The following ZNF710 variants were observed in gnomAD, a reference collection of about 807,000 sequenced individuals.
The protein encoded by ZNF710 is zinc finger protein 710.
Under a neutral mutation model 50.6 loss-of-function variants are expected in ZNF710, and 13 were observed. The observed-to-expected ratio is 0.26, with a 90% CI of 0.17 to 0.41. ZNF710 has a LOEUF of 0.41. ZNF710 is among the 10% of genes least tolerant of loss of function. ZNF710 has a pLI of 1.00. For missense variants in ZNF710, 721 were observed against 936.6 expected (o/e 0.77, Z 3.01); for synonymous variants, 383 against 397.0 (o/e 0.96, Z 0.42).
chr15:90,009,623 T>A (rs569079432), intron 1 of ZNF710, among the ~76,000 whole-genome samples: 4 of 152,030 alleles, frequency 2.6e-5, no homozygotes, highest in Non-Finnish European at 5.9e-5. Flanking sequence ...TGCCCTGGCT[T>A]CCTCCCTAGG....
At chr15:90,053,226 C>G (rs563548801) in intron 1 of ZNF710, among the ~76,000 whole-genome samples, 1 of 152,306 alleles carries the variant, frequency 6.6e-6, no homozygotes, top group African/African-American at 2.4e-5. Flanking sequence ...GCACCCTGAG[C>G]ATTTGCTGGG....
intron 4 of ZNF710, 76 bp from the exon 5 acceptor site, chr15:90,079,584 A>G: frequency 6.4e-7 from 1 of 1,560,156 alleles, no homozygotes; most frequent in East Asian, 2.3e-5. Flanking sequence ...TAGAAAGGCC[A>G]TCAGCTTCCT....
chr15:90,051,262 G>A (rs990291235), intron 1 of ZNF710, among the ~76,000 whole-genome samples: 13 of 150,638 alleles, frequency 8.6e-5, no homozygotes, highest in Non-Finnish European at 1.8e-4. Flanking sequence ...AAAAATTAGC[G>A]GTCACTCCCA....
intron 1 of ZNF710, among the ~76,000 whole-genome samples, chr15:90,016,966 C>CAGCTTTT (rs1567221491): frequency 6.6e-6 from 1 of 152,230 alleles, no homozygotes; most frequent in African/African-American, 2.4e-5. Context: ...TTGAAGTTCC[C>CAGCTTTT]AGCTTTTATC....
At chr15:90,073,377 GC>G in intron 3 of ZNF710, 115 bp downstream of exon 3, 1 of 1,271,624 alleles carries the variant, frequency 7.9e-7, no homozygotes, top group Non-Finnish European at 1.1e-6. Flanking sequence ...GGCAAGAGGA[GC>G]CCCGGCTGGG....
At chr15:90,043,516 T>G (rs1899364980) in intron 1 of ZNF710, among the ~76,000 whole-genome samples, 1 of 152,224 alleles carries the variant, frequency 6.6e-6, no homozygotes, top group African/African-American at 2.4e-5. Context: ...CGGGGAAGCC[T>G]TTACAGCAGC....
At chr15:90,000,024 C>T (rs1897976646), upstream of ZNF710, among the ~76,000 whole-genome samples, 1 of 144,414 alleles carries the variant, frequency 6.9e-6, no homozygotes, top group Admixed American at 6.9e-5. Context: ...CCTGAGTTTG[C>T]TCTCGGGGCC....
intron 1 of ZNF710, among the ~76,000 whole-genome samples, chr15:90,003,263 A>C (rs1400812571): frequency 6.6e-6 from 1 of 152,150 alleles, no homozygotes; most frequent in Non-Finnish European, 1.5e-5. Flanking sequence ...GCCCACCTGC[A>C]AAGGGCACCC....
chr15:90,060,024 AGCCCCCTCCCC>A lies in ZNF710; in HGVS notation c.-28-7083_-28-7073del, dbSNP rs1899956005. Among the ~76,000 whole-genome samples, 3 of 152,202 alleles carry A rather than the reference AGCCCCCTCCCC, an allele frequency of 2.0e-5. No homozygotes were observed. The South Asian group carries it at 6.2e-4, about 32-fold the overall frequency. On this transcript the variant is annotated intron_variant, in intron 1 of 4. Coordinates refer to ENST00000268154, the MANE Select transcript of ZNF710 (RefSeq NM_198526.4). ...CTTGAATGCCAGACCCAGGGTCAGG[AGCCCCCTCCCC>A]GCTCTTGCTCTGTTGGGTCCTGAAC...
At chr15:90,077,193 T>C (rs1176761694) in intron 4 of ZNF710, among the ~76,000 whole-genome samples, 1 of 149,134 alleles carries the variant, frequency 6.7e-6, no homozygotes, top group African/African-American at 2.5e-5. Context: ...ATAAACAAAA[T>C]GGGGACGGTG....
In ZNF710 at chr15:90,075,058, G is replaced by A. The variant is rs78610698; in HGVS notation, c.1825+768G>A. 4.9e-3 allele frequency: 784 copies of A among 161,538 alleles called. 6 individuals carry two copies. Among genetic ancestry groups the A allele is most frequent in the Non-Finnish European group, 3.9e-3 (290 of 74,214 alleles). The allele number at this position is 161,538 out of a possible 1,614,324, so 10.0% of individuals were successfully genotyped here. On this transcript the variant is annotated intron_variant, in intron 4 of 4. Transcript: ENST00000268154. ...GTCAGAAAACATCCCAAGTGTTAGCGGTAGCCTTTCCCTCCAGCAGTGGTC... is the reference window on the plus strand; with the variant it reads ...GTCAGAAAACATCCCAAGTGTTAGCAGTAGCCTTTCCCTCCAGCAGTGGTC...
chr15:90,007,848 A>G lies in ZNF710; in HGVS notation c.-29+6234A>G, dbSNP rs1024960979. Among the ~76,000 whole-genome samples, 132 of 152,024 alleles carry G rather than the reference A, an allele frequency of 8.7e-4. 1 individual carries two copies. Among genetic ancestry groups the G allele is most frequent in the African/African-American group, 3.0e-3 (124 of 41,468 alleles). On this transcript the variant is annotated intron_variant, in intron 1 of 4. Coordinates refer to ENST00000268154, the MANE Select transcript of ZNF710 (RefSeq NM_198526.4). ...CAAGTAAGCATCTCCCCAGTTGTTC[A>G]TGTAAAACATAGAAAGCATTTTCCC...
chr15:90,033,745 C>T (rs1346300777), intron 1 of ZNF710, among the ~76,000 whole-genome samples: 2 of 152,312 alleles, frequency 1.3e-5, no homozygotes, highest in East Asian at 1.9e-4. Context: ...CTTGGTTTGA[C>T]TCTGGTCACA....
intron 1 of ZNF710, among the ~76,000 whole-genome samples, chr15:90,065,837 G>A (rs1032952595): frequency 6.6e-6 from 1 of 152,154 alleles, no homozygotes; most frequent in East Asian, 1.9e-4. Flanking sequence ...AGTGCTGGAG[G>A]TTGAGACAGG....
chr15:90,037,511 A>T (rs1162783154), intron 1 of ZNF710, among the ~76,000 whole-genome samples: 1 of 152,210 alleles, frequency 6.6e-6, no homozygotes. Flanking sequence ...GAAGGGACCT[A>T]GTTCAGAAGA....
chr15:90,052,518 G>A (rs1256720287), intron 1 of ZNF710, among the ~76,000 whole-genome samples: 1 of 152,170 alleles, frequency 6.6e-6, no homozygotes, highest in Non-Finnish European at 1.5e-5. Flanking sequence ...GGAGTAAATG[G>A]GGAAGAATGT....
At chr15:90,012,745 C>G (rs1898347704) in intron 1 of ZNF710, among the ~76,000 whole-genome samples, 1 of 152,040 alleles carries the variant, frequency 6.6e-6, no homozygotes, top group South Asian at 2.1e-4. Context: ...AATATTAACT[C>G]ATAGATTTAA....
intron 1 of ZNF710, among the ~76,000 whole-genome samples, chr15:90,031,763 C>G (rs1898956659): frequency 6.6e-6 from 1 of 152,166 alleles, no homozygotes; most frequent in African/African-American, 2.4e-5. Flanking sequence ...GGGTCCAGCC[C>G]CAAATCCACT....
At chr15:90,003,138 T>C (rs1898057256) in intron 1 of ZNF710, among the ~76,000 whole-genome samples, 1 of 152,168 alleles carries the variant, frequency 6.6e-6, no homozygotes. Flanking sequence ...CCTCCCAAAG[T>C]GCTGGGATCA....
Sources: allele counts gnomAD v4.1 joint callset (sites outside exome capture counted in the v4.1 genomes callset), GRCh38; gene constraint gnomAD v4.1.1; transcripts MANE v1.5; gene names NCBI Gene and HGNC (gene_info 2026-07-23, HGNC 2026-07-21).